UBR2: variants seen among roughly 807,000 people sequenced by gnomAD.
UBR2 encodes ubiquitin protein ligase E3 component n-recognin 2, also known as E3 ubiquitin-protein ligase UBR2.
Under a neutral mutation model 247.9 loss-of-function variants are expected in UBR2, and 92 were observed. The observed-to-expected ratio is 0.37, with a 90% confidence interval of 0.31 to 0.44. The LOEUF (loss-of-function observed/expected upper bound fraction) is 0.44. Among genes scored for constraint, UBR2 ranks in the 20% least tolerant of loss-of-function variants. The pLI is 1.00. For missense variants in UBR2, 1,613 were observed against 2,112.6 expected (o/e 0.76, Z 4.64); for synonymous variants, 672 against 693.5 (o/e 0.97, Z 0.49).
At position 42,679,850 on chromosome 6, in the gene UBR2, T is replaced by C; in HGVS notation, c.4718+18T>C. Reference sequence around the variant, plus strand: ...ATTGAAAGGTAATGATTATATACTTTTCTTTGTTGTATTAAATAGCTCTAT... The same window carrying C: ...ATTGAAAGGTAATGATTATATACTTCTCTTTGTTGTATTAAATAGCTCTAT... On this transcript the variant is annotated intron_variant, in intron 42 of 46. Transcript: ENST00000372901. 1 of 1,566,258 alleles carries C rather than the reference T, an allele frequency of 6.4e-7. No homozygotes were observed.
chr6:42,660,996 T>A lies in UBR2; in HGVS notation c.3442+1141T>A, dbSNP rs60224879. 3.4e-3 allele frequency among the ~76,000 whole-genome samples: 477 copies of A among 139,348 alleles called. 2 individuals are homozygous for A. The highest frequency in any genetic ancestry group is 0.015 in the Middle Eastern group (4 of 274). The allele number at this position is 139,348 out of a possible 152,430, so 91.4% of individuals were successfully genotyped here. On this transcript the variant is annotated intron_variant, in intron 30 of 46. Transcript: ENST00000372901. ...TTTTGTTTGTTTGTTTGTTTGTTTT[T>A]AAAAAAAAAAAAAAAGGCCAGGCGC...
Position 42,691,419 on chromosome 6 carries a change from A to G in UBR2, c.*246A>G, listed in dbSNP as rs1582750885. The G allele has an allele frequency of 2.0e-6, 1 of 498,450 alleles. No individual in the cohort carries two copies. The highest frequency in any genetic ancestry group is 3.6e-6 in the Non-Finnish European group (1 of 281,302). The allele number at this position is 498,450 out of a possible 1,614,324, so 30.9% of individuals were successfully genotyped here. A position where few individuals can be genotyped will look rare whatever the true frequency, so the allele number is the denominator to read the frequency against. ...GATCGAGCAAGGAGCTTCTCTTCCT[A>G]GATTGGATCCCAGCCCCTTTGTGGG... On this transcript the variant is annotated 3_prime_UTR_variant, in exon 47 of 47. Coordinates refer to ENST00000372901, the MANE Select transcript of UBR2 (RefSeq NM_001363705.2).
At chr6:42,574,116 A>G in intron 2 of UBR2, 123 bp downstream of exon 2, 2 of 924,542 alleles carry the variant, frequency 2.2e-6, no homozygotes, top group Non-Finnish European at 3.0e-6. Flanking sequence ...AATCTGTATT[A>G]CAAATACATG....
intron 36 of UBR2, 52 bp downstream of exon 36, chr6:42,670,767 G>C: frequency 6.9e-7 from 1 of 1,445,838 alleles, no homozygotes; most frequent in Non-Finnish European, 9.5e-7. Context: ...AAATTAGGTG[G>C]TTCTGCTGCT....
chr6:42,629,329 GC>G (rs1795553118), intron 11 of UBR2, among the ~76,000 whole-genome samples: 3 of 150,910 alleles, frequency 2.0e-5, no homozygotes, highest in African/African-American at 7.3e-5. Flanking sequence ...TAGTGGTAAT[GC>G]TTTTTAAAGC....
intron 15 of UBR2, among the ~76,000 whole-genome samples, chr6:42,638,318 T>A (rs1182388176): frequency 6.6e-6 from 1 of 152,184 alleles, no homozygotes; most frequent in African/African-American, 2.4e-5. Context: ...ATCCTTTTAA[T>A]GTACATGGGG....
At chr6:42,630,133 C>T (rs9800652) in intron 11 of UBR2, among the ~76,000 whole-genome samples, 3,481 of 149,002 alleles carry the variant, frequency 0.023, 123 homozygotes, top group African/African-American at 0.081. Flanking sequence ...GTAGCAGTAG[C>T]AGTAGTAGTA....
chr6:42,674,959 A>C (rs1296803499), intron 38 of UBR2, among the ~76,000 whole-genome samples: 1 of 152,090 alleles, frequency 6.6e-6, no homozygotes, highest in Admixed American at 6.6e-5. Flanking sequence ...TGGGTAGCCA[A>C]ATTTCAGCCC....
chr6:42,618,497 T>C (rs1263269296), intron 11 of UBR2, among the ~76,000 whole-genome samples: 2 of 152,238 alleles, frequency 1.3e-5, no homozygotes, highest in African/African-American at 4.8e-5. Flanking sequence ...TATATTCTAA[T>C]ACAGTGGAAG....
intron 44 of UBR2, among the ~76,000 whole-genome samples, chr6:42,686,491 A>G (rs1459779546): frequency 6.6e-6 from 1 of 152,024 alleles, no homozygotes; most frequent in Non-Finnish European, 1.5e-5. Flanking sequence ...CTACACAGAC[A>G]CAGTAACAAT....
rs769610171 is a variant in UBR2, at chr6:42,645,607, C to T, written c.2409+17C>T. 6.2e-7 allele frequency: 1 copy of T among 1,608,754 alleles called. No homozygotes were observed. The highest frequency in any genetic ancestry group is 8.5e-7 in the Non-Finnish European group (1 of 1,178,714). On this transcript the variant is annotated intron_variant, in intron 21 of 46. Coordinates refer to ENST00000372901, the MANE Select transcript of UBR2 (RefSeq NM_001363705.2). Reference sequence around the variant, plus strand: ...CCTGAAGATGTAAGTACCTACATTTCTAAAAAGAAAACCATAGAAACTTTT... The same window carrying T: ...CCTGAAGATGTAAGTACCTACATTTTTAAAAAGAAAACCATAGAAACTTTT...
intron 2 of UBR2, among the ~76,000 whole-genome samples, chr6:42,588,375 G>A (rs918216572): frequency 1.3e-5 from 2 of 152,122 alleles, no homozygotes; most frequent in African/African-American, 2.4e-5. Context: ...AAACTTTGTC[G>A]AATTTTTATA....
chr6:42,570,101 T>G (rs1791021437), intron 1 of UBR2, among the ~76,000 whole-genome samples: 1 of 152,236 alleles, frequency 6.6e-6, no homozygotes, highest in Non-Finnish European at 1.5e-5. Flanking sequence ...TGGGGAAATG[T>G]GTGAGCTACT....
At chr6:42,575,381 T>C (rs1025702119) in intron 2 of UBR2, among the ~76,000 whole-genome samples, 19 of 152,324 alleles carry the variant, frequency 1.2e-4, no homozygotes, top group Admixed American at 8.5e-4. Flanking sequence ...GAAACTACTT[T>C]GAATATTCTG....
rs1278508450 is a variant in UBR2 at position 42,689,375 on chromosome 6, C to G, written c.5025-194C>G. On this transcript the variant is annotated intron_variant, in intron 45 of 46. Coordinates refer to ENST00000372901, the MANE Select transcript of UBR2 (RefSeq NM_001363705.2). This position sits in a 1 kb window ranked among gnomAD's most constrained non-coding sequence, Gnocchi z 4.0. Reference sequence around the variant, plus strand: ...ATTAATGCCAGAAAAAGGCAAATGTCTCAAAGGGATCAGGGGACACAAATT... The same window carrying G: ...ATTAATGCCAGAAAAAGGCAAATGTGTCAAAGGGATCAGGGGACACAAATT... Among the ~76,000 whole-genome samples the G allele has an allele frequency of 3.3e-5, 5 of 152,156 alleles. No individual in the cohort carries two copies.
At chr6:42,627,316 TA>T (rs1795414900) in intron 11 of UBR2, among the ~76,000 whole-genome samples, 1 of 152,076 alleles carries the variant, frequency 6.6e-6, no homozygotes, top group African/African-American at 2.4e-5. Flanking sequence ...TTTACAATAG[TA>T]ATGTTATCTG....
intron 11 of UBR2, among the ~76,000 whole-genome samples, chr6:42,623,168 G>A (rs1356050651): frequency 6.6e-6 from 1 of 152,024 alleles, no homozygotes; most frequent in East Asian, 1.9e-4. Context: ...TGATCTCAGG[G>A]GGAAAACTTT....
At chr6:42,581,143 A>G (rs1013817693) in intron 2 of UBR2, among the ~76,000 whole-genome samples, 31 of 148,936 alleles carry the variant, frequency 2.1e-4, no homozygotes, top group African/African-American at 7.5e-4. Flanking sequence ...CCTCCCAAAT[A>G]GCTAGGATCA....
intron 26 of UBR2, among the ~76,000 whole-genome samples, chr6:42,656,353 G>C (rs1797439074): frequency 6.6e-6 from 1 of 152,094 alleles, no homozygotes; most frequent in South Asian, 2.1e-4. Flanking sequence ...GTGTTTTATA[G>C]TCACTTATAA....
Sources: allele counts gnomAD v4.1 joint callset (sites outside exome capture counted in the v4.1 genomes callset), GRCh38; gene constraint gnomAD v4.1.1; non-coding constraint Gnocchi (gnomAD v3.1); transcripts MANE v1.5; gene names NCBI Gene and HGNC (gene_info 2026-07-23, HGNC 2026-07-21).